PTPRD: variants seen among roughly 807,000 people sequenced by gnomAD.
PTPRD encodes the protein protein tyrosine phosphatase receptor type D.
In PTPRD, 34 loss-of-function variants were observed where a neutral mutation model predicts 214.5. The observed-to-expected ratio is 0.16, with a 90% confidence interval of 0.12 to 0.21. The LOEUF (loss-of-function observed/expected upper bound fraction) is 0.21. PTPRD is among the 10% of genes least tolerant of loss of function. The pLI, the probability that PTPRD is intolerant of heterozygous loss-of-function variation, is 1.00. For missense variants in PTPRD, 2,545 were observed against 2,398.7 expected, an observed-to-expected ratio of 1.06 and a Z score of -1.27; for synonymous variants, 1,128 against 845.7, an observed-to-expected ratio of 1.33 and a Z score of -5.79.
intron 8 of PTPRD, among the ~76,000 whole-genome samples, chr9:9,437,363 T>G (rs1569568317): frequency 6.6e-6 from 1 of 152,178 alleles, no homozygotes; most frequent in Non-Finnish European, 1.5e-5. Flanking sequence ...ACTTATAATT[T>G]TTGATTGCAC....
At chr9:9,050,848 T>G (rs1480893315) in intron 10 of PTPRD, among the ~76,000 whole-genome samples, 1 of 152,138 alleles carries the variant, frequency 6.6e-6, no homozygotes, top group Admixed American at 6.6e-5. Flanking sequence ...GCCTAATATA[T>G]AAGGTAAGCT....
At position 9,828,697 on chromosome 9, in the gene PTPRD, G is replaced by T. The variant is rs548282770; in HGVS notation, c.-367-61846C>A. Among the ~76,000 whole-genome samples, 15 of 151,324 alleles carry T rather than the reference G, an allele frequency of 9.9e-5. No individual in the cohort carries two copies. In the East Asian group the frequency reaches 2.7e-3, roughly 27 times the overall value. On this transcript the variant is annotated intron_variant, in intron 5 of 45. Transcript: ENST00000381196. ...TTTACTTCCTAATGAAAATCTAAAG[G>T]TAAGAACCTAAGCAGGATTTTTTTT... is the stretch of plus-strand genomic sequence containing the variant.
chr9:10,061,070 A>G (rs2097770849), intron 3 of PTPRD, among the ~76,000 whole-genome samples: 1 of 151,400 alleles, frequency 6.6e-6, no homozygotes, highest in South Asian at 2.1e-4. Flanking sequence ...AAAGAAAAAC[A>G]ATGGTCACAT....
chr9:9,666,621 T>A (rs2096727529), intron 7 of PTPRD, among the ~76,000 whole-genome samples: 1 of 151,982 alleles, frequency 6.6e-6, no homozygotes, highest in African/African-American at 2.4e-5. Context: ...GTTGGCAAAT[T>A]GTATCGATTC....
At chr9:10,535,297 T>A (rs918215523) in intron 2 of PTPRD, among the ~76,000 whole-genome samples, 1 of 152,178 alleles carries the variant, frequency 6.6e-6, no homozygotes, top group Non-Finnish European at 1.5e-5. Context: ...TGTTTCTGTT[T>A]GCTTCATATT....
chr9:10,414,038 G>A (rs1443060997), intron 2 of PTPRD, among the ~76,000 whole-genome samples: 2 of 151,896 alleles, frequency 1.3e-5, no homozygotes, highest in Non-Finnish European at 2.9e-5. Flanking sequence ...TCTGCACATA[G>A]AAATGGGCAA....
chr9:8,483,851 T>C (rs1363791644), intron 30 of PTPRD, among the ~76,000 whole-genome samples: 1 of 152,248 alleles, frequency 6.6e-6, no homozygotes, highest in African/African-American at 2.4e-5. Context: ...GTAAGAACCA[T>C]GTTCTATATG....
chr9:8,870,245 C>T (rs924059311), intron 11 of PTPRD, among the ~76,000 whole-genome samples: 13 of 151,216 alleles, frequency 8.6e-5, no homozygotes, highest in Non-Finnish European at 1.6e-4. Context: ...TCATATATAA[C>T]ATGAAAAAAA....
intron 11 of PTPRD, among the ~76,000 whole-genome samples, chr9:8,825,730 G>T (rs1320739958): frequency 6.6e-6 from 1 of 152,188 alleles, no homozygotes; most frequent in Non-Finnish European, 1.5e-5. Flanking sequence ...GTTGCCCATT[G>T]TTATGGTTAT....
chr9:9,139,607 G>C (rs933726203), intron 10 of PTPRD, among the ~76,000 whole-genome samples: 2 of 133,466 alleles, frequency 1.5e-5, no homozygotes, highest in Non-Finnish European at 3.5e-5. Flanking sequence ...TAAATAGGCC[G>C]GACAAAGGGT....
intron 4 of PTPRD, among the ~76,000 whole-genome samples, chr9:9,976,334 T>C (rs1051415729): frequency 1.3e-5 from 2 of 152,092 alleles, no homozygotes; most frequent in South Asian, 2.1e-4. Flanking sequence ...ACAAAAAATA[T>C]ACTTTGTCAC....
chr9:9,315,965 A>G (rs1962755957), intron 9 of PTPRD, among the ~76,000 whole-genome samples: 2 of 151,002 alleles, frequency 1.3e-5, no homozygotes, highest in African/African-American at 2.4e-5. Flanking sequence ...ATCTGTGCCC[A>G]TGTGAATCTT....
rs145301056 is a variant in PTPRD, at chr9:8,985,777, C to T, written c.-104+32920G>A. On this transcript the variant is annotated intron_variant, in intron 11 of 45. Transcript: ENST00000381196. ...TTCCTATTTTCCACAATATATTGTG[C>T]ACCTATAGCCTGAGGTTAATGAAGT... Among the ~76,000 whole-genome samples, 16 of 152,098 alleles carry T rather than the reference C, an allele frequency of 1.1e-4. No individual in the cohort carries two copies. In the East Asian group the frequency reaches 2.7e-3, roughly 26 times the overall value.
chr9:8,949,210 C>T (rs1298543663), intron 11 of PTPRD, among the ~76,000 whole-genome samples: 5 of 137,148 alleles, frequency 3.6e-5, no homozygotes, highest in African/African-American at 8.3e-5. Flanking sequence ...GGCAACAGAG[C>T]GAGACTCCAT....
intron 11 of PTPRD, among the ~76,000 whole-genome samples, chr9:9,003,156 T>C (rs2099430383): frequency 1.3e-5 from 2 of 152,066 alleles, no homozygotes; most frequent in Admixed American, 6.6e-5. Flanking sequence ...TTATTTTATA[T>C]AACATTCTAC....
chr9:8,903,732 T>G (rs923153369), intron 11 of PTPRD, among the ~76,000 whole-genome samples: 1 of 152,028 alleles, frequency 6.6e-6, no homozygotes, highest in Non-Finnish European at 1.5e-5. Context: ...ACTAACAAAC[T>G]GTTCTGATTC....
intron 39 of PTPRD, among the ~76,000 whole-genome samples, chr9:8,362,645 A>T (rs577673835): frequency 6.6e-6 from 1 of 152,328 alleles, no homozygotes; most frequent in African/African-American, 2.4e-5. Flanking sequence ...TTCTTCAAAG[A>T]AACAGATTTC....
chr9:8,573,625 A>C (rs2091712632), intron 14 of PTPRD, among the ~76,000 whole-genome samples: 1 of 151,976 alleles, frequency 6.6e-6, no homozygotes, highest in African/African-American at 2.4e-5. Context: ...GCATATCTCT[A>C]ATGTTCACAA....
chr9:9,765,496 T>C (rs2098699245), intron 6 of PTPRD, among the ~76,000 whole-genome samples: 1 of 152,138 alleles, frequency 6.6e-6, no homozygotes, highest in South Asian at 2.1e-4. Flanking sequence ...ACTCATCAAG[T>C]CATGTGTGGG....
Sources: gnomAD v4.1 joint callset for allele counts (sites outside exome capture counted in the v4.1 genomes callset) on GRCh38, gnomAD v4.1.1 for gene constraint, MANE v1.5 for transcripts, NCBI Gene and HGNC (gene_info 2026-07-23, HGNC 2026-07-21) for gene names.